Variants in ITGB4 observed in about 807,000 individuals in gnomAD.
ITGB4 encodes the protein integrin beta-4.
A neutral mutation model predicts 207.6 loss-of-function variants in ITGB4; 159 were observed. That is an observed-to-expected ratio of 0.77 (90% CI 0.67 to 0.87). The LOEUF (loss-of-function observed/expected upper bound fraction) is 0.87. Among genes scored for constraint, ITGB4 ranks in the 40% least tolerant of loss-of-function variants. The pLI, the probability that ITGB4 is intolerant of heterozygous loss-of-function variation, is 0.00. For synonymous variants in ITGB4, 1,020 were observed against 1,062.7 expected, an observed-to-expected ratio of 0.96 and a Z score of 0.78; for missense variants, 2,278 against 2,546.8, an observed-to-expected ratio of 0.89 and a Z score of 2.27.
At position 75,757,307 on chromosome 17, in the gene ITGB4, G is replaced by A. The variant is rs1349467129; in HGVS notation, c.5326G>A (p.Val1776Met). The change falls in exon 39 of 40, where the codon GTG becomes ATG. Residue 1776 changes from valine to methionine, a missense_variant. Transcript: ENST00000200181. The stretch of plus-strand genomic sequence containing the variant: ...CACCAGCGCCACCGAGCCCTTCCTA[G>A]TGGGTGAGCACTGAGGGCTAGGGGA... ...THTSATEPFL[V>M]DGLTLGAQHL... The A allele has an allele frequency of 6.2e-7, 1 of 1,612,358 alleles. No homozygotes were observed. The highest frequency in any genetic ancestry group is 8.5e-7 in the Non-Finnish European group (1 of 1,179,980).
chr17:75,757,368 A>G (rs973647169), intron 39 of ITGB4, 48 bp from the exon 40 acceptor site: 8 of 1,612,686 alleles, frequency 5.0e-6, no homozygotes, highest in Non-Finnish European at 6.8e-6. Flanking sequence ...TAGCAGAGGG[A>G]GAAGGGCAGA....
chr17:75,742,872 C>A lies in ITGB4; in HGVS notation c.2962+111C>A, dbSNP rs2061147721. The A allele has an allele frequency of 2.1e-6, 2 of 968,452 alleles. No individual in the cohort carries two copies. Among genetic ancestry groups the A allele is most frequent in the East Asian group, 2.6e-5 (1 of 38,094 alleles). 60.0% of individuals were successfully genotyped at this position (968,452 alleles called of 1,614,324 possible). A position where few individuals can be genotyped will look rare whatever the true frequency, so the allele number is the denominator to read the frequency against. On this transcript the variant is annotated intron_variant, in intron 25 of 39. Coordinates refer to ENST00000200181, the MANE Select transcript of ITGB4 (RefSeq NM_000213.5). This position sits in a 1 kb window ranked among gnomAD's most constrained non-coding sequence, Gnocchi z 5.9. ...CACGTGGCCTGGGCTAGTCACTTAA[C>A]CTCTGCAAGCCTTGGTTTCTCCATC...
chr17:75,748,197 CAAAAAAAA>C (rs57537115), intron 26 of ITGB4, among the ~76,000 whole-genome samples: 4 of 78,646 alleles, frequency 5.1e-5, no homozygotes, highest in African/African-American at 2.0e-4. Context: ...CGTGCCTCTA[CAAAAAAAA>C]AAAAAAAAAA....
At position 75,729,559 on chromosome 17, in the gene ITGB4, C is replaced by T. The variant is rs2060806138; in HGVS notation, c.738+123C>T. On this transcript the variant is annotated intron_variant, in intron 7 of 39. Coordinates refer to ENST00000200181, the MANE Select transcript of ITGB4 (RefSeq NM_000213.5). The surrounding 1 kb of genome is among the most constrained non-coding windows in gnomAD (Gnocchi z 4.4). ...CAGGCCCTGAGGGAAAGCCTGGGAGCCTGCAACCCCTTCACCCTGAGACAA... is the reference window on the plus strand; with the variant it reads ...CAGGCCCTGAGGGAAAGCCTGGGAGTCTGCAACCCCTTCACCCTGAGACAA... 1 of 970,750 alleles carries T rather than the reference C, an allele frequency of 1.0e-6. No individual in the cohort carries two copies. The highest frequency in any genetic ancestry group is 2.9e-5 in the Admixed American group (1 of 34,920). The allele number at this position is 970,750 out of a possible 1,614,324, so 60.1% of individuals were successfully genotyped here. A position where few individuals can be genotyped will look rare whatever the true frequency, so the allele number is the denominator to read the frequency against.
At position 75,742,506 on chromosome 17, in the gene ITGB4, G is replaced by A. The variant is rs141931577; in HGVS notation, c.2782+17G>A. 5.7e-4 allele frequency: 917 copies of A among 1,612,990 alleles called. 4 individuals are homozygous for A. The African/African-American group carries it at 0.011, about 19-fold the overall frequency. On this transcript the variant is annotated intron_variant, in intron 24 of 39. Transcript: ENST00000200181. The surrounding 1 kb of genome is among the most constrained non-coding windows in gnomAD (Gnocchi z 5.9). ...CAGACCAGGGTAGGAGGGCGGGTCC[G>A]CTGTGCCACTGCCTCGCACCTCCCG...
rs1246442341 is a variant in ITGB4 at position 75,727,891 on chromosome 17, G to A, written c.469+36G>A. 5 of 1,600,596 alleles carry A rather than the reference G, an allele frequency of 3.1e-6. No homozygotes were observed. In the African/African-American group the frequency reaches 5.4e-5, roughly 17 times the overall value. On this transcript the variant is annotated intron_variant, in intron 5 of 39. Coordinates refer to ENST00000200181, the MANE Select transcript of ITGB4 (RefSeq NM_000213.5). This position sits in a 1 kb window ranked among gnomAD's most constrained non-coding sequence, Gnocchi z 6.0. Reference sequence around the variant, plus strand: ...GCCAGAGTGGAGGACAGCAGGGCAGGAGGGGGACAGGTGGGCGTCTGCTTG... The same window carrying A: ...GCCAGAGTGGAGGACAGCAGGGCAGAAGGGGGACAGGTGGGCGTCTGCTTG...
In ITGB4 at chr17:75,730,881, C is replaced by T; in HGVS notation, c.1009C>T (p.His337Tyr). 6.2e-7 allele frequency: 1 copy of T among 1,612,976 alleles called. No homozygotes were observed. The change falls in exon 9 of 40, where the codon CAC becomes TAC. Residue 337 changes from histidine (H) to tyrosine (Y), a missense_variant. His to Tyr is a moderately conservative substitution (Grantham distance 83). Transcript: ENST00000200181. ...NYSYSYYEKL[H>Y]TYFPVSSLGV... ...CTGGCCTTCTCTCCCGCAGAAGCTTCACACCTATTTCCCTGTCTCCTCACT... is the reference window on the plus strand; with the variant it reads ...CTGGCCTTCTCTCCCGCAGAAGCTTTACACCTATTTCCCTGTCTCCTCACT...
At position 75,726,341 on chromosome 17, in the gene ITGB4, G is replaced by T. The variant is rs184244173; in HGVS notation, c.80-854G>T. 2.0e-5 allele frequency among the ~76,000 whole-genome samples: 3 copies of T among 152,222 alleles called. No individual in the cohort carries two copies. The East Asian group carries it at 5.8e-4, about 29-fold the overall frequency. On this transcript the variant is annotated intron_variant, in intron 2 of 39. Transcript: ENST00000200181. ...CTTGGGAGGCTGAGGTGGGAGGATT[G>T]CCTGAGCCCAGGATGTCGAGACTGC...
rs764464095 is a variant in ITGB4 at position 75,730,985 on chromosome 17, A to G, written c.1092+21A>G. 20 of 1,597,264 alleles carry G rather than the reference A, an allele frequency of 1.3e-5. No individual in the cohort carries two copies. In the South Asian group the frequency reaches 2.0e-4, roughly 16 times the overall value. On this transcript the variant is annotated intron_variant, in intron 9 of 39. Coordinates refer to ENST00000200181, the MANE Select transcript of ITGB4 (RefSeq NM_000213.5). ...TCAATGTGAGGGCAGCTCAGGCTCCAGAGTCTGAGCCCTTCTGGGGCAGGG... is the reference window on the plus strand; with the variant it reads ...TCAATGTGAGGGCAGCTCAGGCTCCGGAGTCTGAGCCCTTCTGGGGCAGGG...
In ITGB4 at chr17:75,752,229, G is replaced by C. The variant is rs368037184; in HGVS notation, c.3849G>C (p.Leu1283=). ...VLVDNPKNRM[L]LIENLRESQP... is the part of the protein sequence containing the mutation. ...TTGACAACCCTAAGAACCGGATGCTGCTTATTGAGAACCTTCGGGAGTCCC... is the reference window on the plus strand; with the variant it reads ...TTGACAACCCTAAGAACCGGATGCTCCTTATTGAGAACCTTCGGGAGTCCC... The change falls in exon 31 of 40, where the codon CTG becomes CTC. Residue 1283 remains leucine, a synonymous_variant. Transcript: ENST00000200181. 2 of 1,613,910 alleles carry C rather than the reference G, an allele frequency of 1.2e-6. No individual in the cohort carries two copies. The highest frequency in any genetic ancestry group is 1.3e-5 in the African/African-American group (1 of 75,066).
chr17:75,738,361 T>G (rs978933031), intron 18 of ITGB4, among the ~76,000 whole-genome samples: 1 of 152,216 alleles, frequency 6.6e-6, no homozygotes, highest in African/African-American at 2.4e-5. Flanking sequence ...CTCTTTGTGC[T>G]GTCGCCACAG....
chr17:75,727,235 G>T lies in ITGB4; in HGVS notation c.120G>T (p.Glu40Asp), dbSNP rs753782989. 1.2e-6 allele frequency: 2 copies of T among 1,614,088 alleles called. No individual in the cohort carries two copies. Among genetic ancestry groups the T allele is most frequent in the Non-Finnish European group, 1.7e-6 (2 of 1,179,988 alleles). Residue 40 changes from glutamate (E) to aspartate (D), a missense_variant, in exon 3 of 40, where the codon GAG (glutamate) becomes GAT (aspartate). Transcript: ENST00000200181. The surrounding 1 kb of genome is among the most constrained non-coding windows in gnomAD (Gnocchi z 6.0). Reference protein sequence around the residue: ...CKKAPVKSCTECVRVDKDCAY... With the variant: ...CKKAPVKSCTDCVRVDKDCAY... ...AGGCCCCAGTGAAGAGCTGCACGGA[G>T]TGTGTCCGTGTGGATAAGGACTGCG... is the stretch of plus-strand genomic sequence containing the variant.
chr17:75,740,207 A>G lies in ITGB4; in HGVS notation c.2446+136A>G. 9.1e-6 allele frequency: 11 copies of G among 1,209,882 alleles called. No individual in the cohort carries two copies. The highest frequency in any genetic ancestry group is 1.3e-5 in the Non-Finnish European group (11 of 852,206). 74.9% of individuals were successfully genotyped at this position (1,209,882 alleles called of 1,614,324 possible). On this transcript the variant is annotated intron_variant, in intron 20 of 39. Coordinates refer to ENST00000200181, the MANE Select transcript of ITGB4 (RefSeq NM_000213.5). This position sits in a 1 kb window ranked among gnomAD's most constrained non-coding sequence, Gnocchi z 5.9. ...CTCAGCCACCTTTTGCCCTGTGCTGATGGTGCTATGAACCTCATGCCTCGG... is the reference window on the plus strand; with the variant it reads ...CTCAGCCACCTTTTGCCCTGTGCTGGTGGTGCTATGAACCTCATGCCTCGG...
At chr17:75,745,878 C>T (rs976996621) in intron 26 of ITGB4, among the ~76,000 whole-genome samples, 2 of 150,444 alleles carry the variant, frequency 1.3e-5, no homozygotes, top group African/African-American at 2.4e-5. Flanking sequence ...GACTCTGTCT[C>T]GAAAAAAGAA....
At chr17:75,755,126 G>A in intron 34 of ITGB4, 2 of 1,610,888 alleles carry the variant, frequency 1.2e-6, no homozygotes, top group South Asian at 2.2e-5. Context: ...CCGGAGTCGG[G>A]CTCAGATGAA....
rs746624219 is a variant in ITGB4 at position 75,757,662 on chromosome 17, C to T, written c.*107C>T. ...TTGCACCCCTGGGGGCCCAGCCCAC[C>T]CGCATGCACAGAGCAGGGGCTAGGT... On this transcript the variant is annotated 3_prime_UTR_variant, in exon 40 of 40. Transcript: ENST00000200181. The T allele has an allele frequency of 3.2e-5, 47 of 1,475,782 alleles. No homozygotes were observed. The highest frequency in any genetic ancestry group is 4.2e-5 in the Non-Finnish European group (44 of 1,059,204). The allele number at this position is 1,475,782 out of a possible 1,614,324, so 91.4% of individuals were successfully genotyped here.
chr17:75,725,917 C>A (rs1228812746), intron 2 of ITGB4, among the ~76,000 whole-genome samples: 1 of 152,216 alleles, frequency 6.6e-6, no homozygotes, highest in Non-Finnish European at 1.5e-5. Context: ...GAGGAGGTAC[C>A]TGAAAAGGGT....
intron 35 of ITGB4, 112 bp downstream of exon 35, chr17:75,755,962 C>A: frequency 7.7e-7 from 1 of 1,306,974 alleles, no homozygotes; most frequent in Non-Finnish European, 1.1e-6. Flanking sequence ...CCCTTGAGCG[C>A]TAAAGCCCCC....
At position 75,737,524 on chromosome 17, in the gene ITGB4, C is replaced by A. The variant is rs780450465; in HGVS notation, c.2114-14C>A. 17 of 1,562,548 alleles carry A rather than the reference C, an allele frequency of 1.1e-5. No homozygotes were observed. The South Asian group carries it at 2.0e-4, about 18-fold the overall frequency. On this transcript the variant is annotated splice_polypyrimidine_tract_variant and intron_variant, in intron 17 of 39. Coordinates refer to ENST00000200181, the MANE Select transcript of ITGB4 (RefSeq NM_000213.5). Reference sequence around the variant, plus strand: ...GAGGACAGGCACCACCTCCCCCTGCCTCCTCCTCTCCAGACTGCCCTCCGG... The same window carrying A: ...GAGGACAGGCACCACCTCCCCCTGCATCCTCCTCTCCAGACTGCCCTCCGG...
Sources: allele counts gnomAD v4.1 joint callset (sites outside exome capture counted in the v4.1 genomes callset), GRCh38; gene constraint gnomAD v4.1.1; non-coding constraint Gnocchi (gnomAD v3.1); transcripts MANE v1.5; gene names NCBI Gene and HGNC (gene_info 2026-07-23, HGNC 2026-07-21).